SND1: variants seen among roughly 807,000 people sequenced by gnomAD.
SND1 encodes the protein staphylococcal nuclease and tudor domain containing 1, also known as staphylococcal nuclease domain-containing protein 1.
SND1 carries 38 observed loss-of-function variants against 121.7 expected under a neutral mutation model. The observed-to-expected ratio is 0.31, with a 90% confidence interval of 0.24 to 0.41. The LOEUF (loss-of-function observed/expected upper bound fraction) is 0.41, where lower values mean the gene tolerates loss of function less well. SND1 is among the 10% of genes least tolerant of loss of function. The pLI is 1.00. For missense variants in SND1, 868 were observed against 1,184.6 expected, an observed-to-expected ratio of 0.73 and a Z score of 3.92; for synonymous variants, 401 against 447.4, an observed-to-expected ratio of 0.90 and a Z score of 1.31.
At chr7:127,951,501 G>T (rs1684473225) in intron 15 of SND1, among the ~76,000 whole-genome samples, 1 of 152,212 alleles carries the variant, frequency 6.6e-6, no homozygotes, top group Non-Finnish European at 1.5e-5. Context: ...GAGATCTGCT[G>T]TACAATATTG....
At chr7:127,967,872 C>T (rs1801891668) in intron 15 of SND1, among the ~76,000 whole-genome samples, 1 of 152,204 alleles carries the variant, frequency 6.6e-6, no homozygotes, top group Non-Finnish European at 1.5e-5. Context: ...TATGCTAAAA[C>T]TCATCAGGAA....
chr7:127,861,063 T>G (rs1799369305), intron 12 of SND1, among the ~76,000 whole-genome samples: 1 of 152,228 alleles, frequency 6.6e-6, no homozygotes, highest in African/African-American at 2.4e-5. Context: ...CTGATGCGCT[T>G]CTAGGTATAA....
At chr7:127,747,207 G>T (rs1404219229) in intron 10 of SND1, among the ~76,000 whole-genome samples, 1 of 152,112 alleles carries the variant, frequency 6.6e-6, no homozygotes. Context: ...AAACATCTCT[G>T]TTCCTTTGAA....
chr7:127,874,655 G>C (rs1371088866), intron 12 of SND1, among the ~76,000 whole-genome samples: 2 of 152,008 alleles, frequency 1.3e-5, no homozygotes, highest in African/African-American at 4.8e-5. Flanking sequence ...AACATACCTA[G>C]ATCTACAATA....
chr7:127,682,317 C>G (rs1257073062), intron 1 of SND1, among the ~76,000 whole-genome samples: 1 of 152,112 alleles, frequency 6.6e-6, no homozygotes, highest in Non-Finnish European at 1.5e-5. Context: ...TTGTTTCAGC[C>G]TTTGTAACCA....
intron 10 of SND1, among the ~76,000 whole-genome samples, chr7:127,790,441 C>T (rs1020624702): frequency 2.6e-5 from 4 of 152,130 alleles, no homozygotes; most frequent in Non-Finnish European, 5.9e-5. Flanking sequence ...TATTGTTCGA[C>T]GCCCTGTGAT....
chr7:127,849,234 A>G (rs569300030), intron 12 of SND1, among the ~76,000 whole-genome samples: 3 of 152,270 alleles, frequency 2.0e-5, no homozygotes, highest in African/African-American at 4.8e-5. Context: ...TTAGTCGTCT[A>G]TGTAATTAGC....
chr7:127,745,620 C>T (rs1796967982), intron 10 of SND1, among the ~76,000 whole-genome samples: 2 of 152,162 alleles, frequency 1.3e-5, no homozygotes, highest in South Asian at 2.1e-4. Context: ...TTGTTAGCAC[C>T]AGGGGAAAGT....
chr7:127,777,465 C>T (rs1446504187), intron 10 of SND1, among the ~76,000 whole-genome samples: 2 of 152,166 alleles, frequency 1.3e-5, no homozygotes, highest in Non-Finnish European at 2.9e-5. Flanking sequence ...GGTGTCTAGA[C>T]TTCCGTCTTA....
At chr7:128,087,414 G>A (rs1361702335) in intron 21 of SND1, among the ~76,000 whole-genome samples, 1 of 152,184 alleles carries the variant, frequency 6.6e-6, no homozygotes, top group Non-Finnish European at 1.5e-5. Context: ...GTGCTGTATA[G>A]GCAGGAGGAA....
chr7:127,897,990 T>C (rs1800153190), intron 13 of SND1, among the ~76,000 whole-genome samples: 1 of 152,132 alleles, frequency 6.6e-6, no homozygotes, highest in Non-Finnish European at 1.5e-5. Flanking sequence ...AAGAAGACTT[T>C]AGACTGCTCA....
At chr7:127,994,712 CTTG>C (rs1802604011) in intron 16 of SND1, among the ~76,000 whole-genome samples, 9 of 151,604 alleles carry the variant, frequency 5.9e-5, no homozygotes, top group Admixed American at 5.3e-4. Flanking sequence ...TCTGTTTTTT[CTTG>C]TTGTTTGATT....
intron 15 of SND1, among the ~76,000 whole-genome samples, chr7:127,971,112 A>G (rs1404473803): frequency 6.6e-6 from 1 of 152,174 alleles, no homozygotes. Context: ...CCCAGCCCCA[A>G]GCCACCCTTT....
intron 13 of SND1, among the ~76,000 whole-genome samples, chr7:127,898,514 A>G (rs555436453): frequency 2.0e-4 from 31 of 152,246 alleles, no homozygotes; most frequent in African/African-American, 7.5e-4. Context: ...GGCCGAAGGA[A>G]TTGTTTATTG....
At chr7:127,982,215 C>G (rs1341215965) in intron 15 of SND1, among the ~76,000 whole-genome samples, 2 of 152,244 alleles carry the variant, frequency 1.3e-5, no homozygotes, top group African/African-American at 4.8e-5. Flanking sequence ...TCAAAGAGAG[C>G]TGCAGTTTCC....
At position 127,707,796 on chromosome 7, in the gene SND1, TG is replaced by T; in HGVS notation, c.1038+150del. On this transcript the variant is annotated intron_variant, in intron 9 of 23. Transcript: ENST00000354725. ...GTGTGTGTGTGTGTGTGTGTGTGTG[TG>T]TGTGTGTGTGTGTGTTTATTGTAGG... 4.9e-6 allele frequency: 3 copies of T among 609,622 alleles called. No homozygotes were observed. In the Admixed American group the frequency reaches 8.2e-5, roughly 17 times the overall value. 37.8% of individuals were successfully genotyped at this position (609,622 alleles called of 1,614,324 possible).
chr7:127,795,525 ACT>A (rs1797999905), intron 10 of SND1, among the ~76,000 whole-genome samples: 1 of 152,100 alleles, frequency 6.6e-6, no homozygotes, highest in African/African-American at 2.4e-5. Context: ...CTTTACTTGA[ACT>A]CTGAATGGTA....
intron 12 of SND1, among the ~76,000 whole-genome samples, chr7:127,862,665 G>C (rs554291881): frequency 6.6e-6 from 1 of 152,264 alleles, no homozygotes; most frequent in South Asian, 2.1e-4. Context: ...TGAAAACTTT[G>C]ATTTCATGCA....
At position 128,052,979 on chromosome 7, in the gene SND1, A is replaced by G. The variant is rs1018121950; in HGVS notation, c.1780-21523A>G. ...ATATGATTATCTTAAACTGGTTGGTATAAAAATAGAGCATAAATCAAATGC... is the reference window on the plus strand; with the variant it reads ...ATATGATTATCTTAAACTGGTTGGTGTAAAAATAGAGCATAAATCAAATGC... On this transcript the variant is annotated intron_variant, in intron 16 of 23. Transcript: ENST00000354725. This position sits in a 1 kb window ranked among gnomAD's most constrained non-coding sequence, Gnocchi z 4.6. 6.6e-6 allele frequency among the ~76,000 whole-genome samples: 1 copy of G among 152,262 alleles called. No homozygotes were observed. The highest frequency in any genetic ancestry group is 6.5e-5 in the Admixed American group (1 of 15,292).
Sources: gnomAD v4.1 joint callset for allele counts (sites outside exome capture counted in the v4.1 genomes callset) on GRCh38, gnomAD v4.1.1 for gene constraint, Gnocchi (gnomAD v3.1) non-coding constraint, MANE v1.5 for transcripts, NCBI Gene and HGNC (gene_info 2026-07-23, HGNC 2026-07-21) for gene names.